Variants in GLRA1 observed in about 807,000 individuals in gnomAD.
GLRA1 encodes the protein glycine receptor subunit alpha-1.
Under a neutral mutation model 48.3 loss-of-function variants are expected in GLRA1, and 37 were observed. The ratio of observed to expected loss-of-function variants is 0.77; its 90% CI spans 0.59 to 1.01. The LOEUF is 1.01. Ranked by LOEUF, GLRA1 falls within the 50% of genes least tolerant of loss-of-function variation. The pLI, the probability that GLRA1 is intolerant of heterozygous loss-of-function variation, is 0.00. For synonymous variants in GLRA1, 196 were observed against 210.7 expected (o/e 0.93, Z 0.60); for missense variants, 427 against 571.0 (o/e 0.75, Z 2.57).
At chr5:151,842,057 A>G (rs965324086) in intron 7 of GLRA1, among the ~76,000 whole-genome samples, 2 of 41,390 alleles carry the variant, frequency 4.8e-5, no homozygotes, top group African/African-American at 3.3e-4. Context: ...AACTCCATCT[A>G]AAAAAAAAAA....
chr5:151,867,760 A>T (rs1753374284), intron 3 of GLRA1, among the ~76,000 whole-genome samples: 2 of 152,156 alleles, frequency 1.3e-5, no homozygotes, highest in Admixed American at 6.5e-5. Context: ...TTGTCTGATT[A>T]CATAAAGTTC....
At chr5:151,894,367 C>T (rs917915357) in intron 1 of GLRA1, among the ~76,000 whole-genome samples, 5 of 152,184 alleles carry the variant, frequency 3.3e-5, no homozygotes, top group Non-Finnish European at 4.4e-5. Flanking sequence ...CATTTGCAAA[C>T]ATTTGTGGGA....
At chr5:151,864,356 A>G (rs760029215) in intron 3 of GLRA1, among the ~76,000 whole-genome samples, 27 of 152,210 alleles carry the variant, frequency 1.8e-4, no homozygotes, top group South Asian at 4.1e-4. Flanking sequence ...GCGCCGTTCT[A>G]GATACTGTCA....
intron 7 of GLRA1, chr5:151,848,793 C>G: frequency 5.3e-6 from 2 of 380,712 alleles, no homozygotes; most frequent in Non-Finnish European, 1.0e-5. Flanking sequence ...AGCAGCACGG[C>G]GGTCTCCTCT....
At chr5:151,876,284 T>C (rs1753627305) in intron 3 of GLRA1, among the ~76,000 whole-genome samples, 1 of 152,218 alleles carries the variant, frequency 6.6e-6, no homozygotes. Flanking sequence ...ACAGTTTTTT[T>C]GAAACCCTTT....
chr5:151,849,121 T>TTTCTTTCTTTCC, intron 7 of GLRA1: 1 of 202,986 alleles, frequency 4.9e-6, no homozygotes, highest in Non-Finnish European at 8.5e-6. Context: ...TCTTTCTTTC[T>TTTCTTTCTTTCC]TTCTTTCTTT....
chr5:151,908,064 C>T (rs1376353868), intron 1 of GLRA1, among the ~76,000 whole-genome samples: 3 of 151,966 alleles, frequency 2.0e-5, no homozygotes, highest in Non-Finnish European at 4.4e-5. Context: ...GGAAGGGCCG[C>T]CCTTCTGAGG....
intron 1 of GLRA1, among the ~76,000 whole-genome samples, chr5:151,913,048 A>G (rs1049158036): frequency 1.3e-5 from 2 of 152,208 alleles, no homozygotes; most frequent in Admixed American, 1.3e-4. Flanking sequence ...GGGACAATTC[A>G]TGGAGGAAAT....
At chr5:151,871,853 C>G (rs371095395) in intron 3 of GLRA1, among the ~76,000 whole-genome samples, 13 of 149,792 alleles carry the variant, frequency 8.7e-5, no homozygotes, top group Non-Finnish European at 1.5e-5. Context: ...CGTGAACCAC[C>G]GCGCCCGGCC....
At chr5:151,835,027 C>CAAAAAA (rs60718344) in intron 7 of GLRA1, among the ~76,000 whole-genome samples, 14 of 52,524 alleles carry the variant, frequency 2.7e-4, no homozygotes, top group East Asian at 6.2e-4. Context: ...GACAACATCT[C>CAAAAAA]AAAAAAAAAA....
At chr5:151,878,484 T>C (rs1753681700) in intron 3 of GLRA1, among the ~76,000 whole-genome samples, 1 of 152,146 alleles carries the variant, frequency 6.6e-6, no homozygotes, top group Non-Finnish European at 1.5e-5. Flanking sequence ...AGGAGCCAAA[T>C]GTTAATCCCC....
chr5:151,893,344 CTTTCTT>C, intron 1 of GLRA1, among the ~76,000 whole-genome samples: 1 of 146,506 alleles, frequency 6.8e-6, no homozygotes, highest in Admixed American at 6.9e-5. Flanking sequence ...TTCTTTCTTT[CTTTCTT>C]TCTTTCTTTC....
At chr5:151,910,479 TA>T (rs912635730) in intron 1 of GLRA1, among the ~76,000 whole-genome samples, 5 of 152,088 alleles carry the variant, frequency 3.3e-5, no homozygotes, top group African/African-American at 1.2e-4. Context: ...TTAATACATA[TA>T]AAAAAATAAA....
chr5:151,844,621 CAAAAAAAA>C (rs202218874), intron 7 of GLRA1, among the ~76,000 whole-genome samples: 1 of 49,708 alleles, frequency 2.0e-5, no homozygotes, highest in Non-Finnish European at 3.8e-5. Flanking sequence ...TACTCTATCT[CAAAAAAAA>C]AAAAAAAAAA....
intron 7 of GLRA1, among the ~76,000 whole-genome samples, chr5:151,839,154 T>C (rs192093981): frequency 2.0e-5 from 3 of 152,366 alleles, no homozygotes; most frequent in African/African-American, 7.2e-5. Context: ...TCAAGAATTC[T>C]GTATCCCTTA....
intron 1 of GLRA1, among the ~76,000 whole-genome samples, chr5:151,895,277 T>C (rs565559723): frequency 6.6e-6 from 1 of 152,298 alleles, no homozygotes; most frequent in South Asian, 2.1e-4. Context: ...ATGTGAGCTG[T>C]ATATATACAT....
intron 7 of GLRA1, chr5:151,848,862 C>A: frequency 3.3e-6 from 2 of 607,430 alleles, no homozygotes; most frequent in South Asian, 3.1e-5. Flanking sequence ...CCCGCCTGCT[C>A]AGCGCCCAGA....
chr5:151,902,574 A>C (rs183926753), intron 1 of GLRA1, among the ~76,000 whole-genome samples: 91 of 152,212 alleles, frequency 6.0e-4, no homozygotes, highest in Non-Finnish European at 1.0e-3. Flanking sequence ...TTCATTAGGT[A>C]CTTTTAGATG....
intron 1 of GLRA1, among the ~76,000 whole-genome samples, chr5:151,917,442 A>G (rs1754765670): frequency 6.6e-6 from 1 of 152,162 alleles, no homozygotes; most frequent in African/African-American, 2.4e-5. Flanking sequence ...TTTAATTTTT[A>G]AAACCACTTT....
Sources: gnomAD v4.1 joint callset for allele counts (sites outside exome capture counted in the v4.1 genomes callset) on GRCh38, gnomAD v4.1.1 for gene constraint, MANE v1.5 for transcripts, NCBI Gene and HGNC (gene_info 2026-07-23, HGNC 2026-07-21) for gene names.